The following ITGAM variants were observed in gnomAD, a reference collection of about 807,000 sequenced individuals.
The protein encoded by ITGAM is integrin alpha-M.
In ITGAM, 79 loss-of-function variants were observed where a neutral mutation model predicts 137.5. The ratio of observed to expected loss-of-function variants is 0.57; its 90% CI spans 0.48 to 0.69. The LOEUF (loss-of-function observed/expected upper bound fraction) is 0.69, where lower values mean the gene tolerates loss of function less well. Among genes scored for constraint, ITGAM ranks in the 30% least tolerant of loss-of-function variants. ITGAM has a pLI of 0.00. For missense variants in ITGAM, 1,343 were observed against 1,483.5 expected, an observed-to-expected ratio of 0.91 and a Z score of 1.56; for synonymous variants, 583 against 592.3, an observed-to-expected ratio of 0.98 and a Z score of 0.23.
chr16:31,321,756 G>A (rs1403270881), intron 16 of ITGAM, 129 bp downstream of exon 16: 4 of 943,300 alleles, frequency 4.2e-6, no homozygotes, highest in Non-Finnish European at 6.2e-6. Flanking sequence ...CCTTCTCCAA[G>A]CCTTACCTGA....
At chr16:31,268,130 C>T (rs1262310898) in intron 5 of ITGAM, among the ~76,000 whole-genome samples, 2 of 152,112 alleles carry the variant, frequency 1.3e-5, no homozygotes, top group Non-Finnish European at 2.9e-5. Context: ...CCCTCACCAC[C>T]CAAGCTTCCT....
chr16:31,263,118 T>A (rs2079724040), intron 2 of ITGAM, among the ~76,000 whole-genome samples: 1 of 152,086 alleles, frequency 6.6e-6, no homozygotes, highest in Non-Finnish European at 1.5e-5. Flanking sequence ...ATTTTTGTAT[T>A]TTTGTAGAGA....
rs73534463 is a variant in ITGAM, at chr16:31,323,702, G to A, written c.2003-697G>A. Reference sequence around the variant, plus strand: ...TATTTCATTTCCTTTTTACCATTGGGAGGGTATCATTATTATCCTCACTTT... The same window carrying A: ...TATTTCATTTCCTTTTTACCATTGGAAGGGTATCATTATTATCCTCACTTT... On this transcript the variant is annotated intron_variant, in intron 16 of 29. Transcript: ENST00000544665. Among the ~76,000 whole-genome samples the A allele has an allele frequency of 9.3e-3, 1,418 of 152,200 alleles. 26 individuals carry two copies. Among genetic ancestry groups the A allele is most frequent in the African/African-American group, 0.032 (1,326 of 41,526 alleles).
At chr16:31,329,724 G>C in intron 24 of ITGAM, 74 bp from the exon 25 acceptor site, 1 of 1,297,302 alleles carries the variant, frequency 7.7e-7, no homozygotes, top group Non-Finnish European at 1.1e-6. Flanking sequence ...CCTGCCCCGT[G>C]GGGAGGGGAG....
intron 12 of ITGAM, among the ~76,000 whole-genome samples, chr16:31,282,029 TTGAG>T (rs1368151383): frequency 6.6e-6 from 1 of 152,190 alleles, no homozygotes; most frequent in African/African-American, 2.4e-5. Flanking sequence ...TTGAGCGGTT[TTGAG>T]TGAGTTTCTT....
Position 31,331,885 on chromosome 16 carries a change from G to GTGTC in ITGAM, c.*181_*182insCTGT. 2 of 556,702 alleles carry GTGTC rather than the reference G, an allele frequency of 3.6e-6. No homozygotes were observed. The highest frequency in any genetic ancestry group is 6.3e-6 in the Non-Finnish European group (2 of 315,636). The allele number at this position is 556,702 out of a possible 1,614,324, so 34.5% of individuals were successfully genotyped here. ...CGTGTGTGCAAGTGTCTGTGTGCAA[G>GTGTC]TGTGTGCACATGTGTGCGTGTGCGT... is the stretch of plus-strand genomic sequence containing the variant. On this transcript the variant is annotated 3_prime_UTR_variant, in exon 30 of 30. Transcript: ENST00000544665.
At chr16:31,288,730 A>G (rs906305071) in intron 12 of ITGAM, among the ~76,000 whole-genome samples, 1 of 152,248 alleles carries the variant, frequency 6.6e-6, no homozygotes, top group Non-Finnish European at 1.5e-5. Flanking sequence ...ACCAAAAGCA[A>G]TGGCAACAAA....
chr16:31,313,711 T>A (rs1439054313), intron 14 of ITGAM, among the ~76,000 whole-genome samples: 1 of 152,148 alleles, frequency 6.6e-6, no homozygotes, highest in African/African-American at 2.4e-5. Context: ...GTCTTTATAG[T>A]AGAATGATTT....
At chr16:31,312,191 C>T (rs947933958) in intron 14 of ITGAM, among the ~76,000 whole-genome samples, 3 of 149,092 alleles carry the variant, frequency 2.0e-5, no homozygotes, top group Non-Finnish European at 1.5e-5. Context: ...TGCTAAATGA[C>T]GAGTTAATGG....
intron 14 of ITGAM, among the ~76,000 whole-genome samples, chr16:31,303,518 T>C (rs2080236270): frequency 6.6e-6 from 1 of 152,178 alleles, no homozygotes. Flanking sequence ...ATGAATTCTA[T>C]AGTGGTGAAT....
chr16:31,325,271 G>T lies in ITGAM; in HGVS notation c.2372G>T (p.Cys791Phe). Residue 791 changes from cysteine to phenylalanine, a missense_variant, in exon 20 of 30, where the codon TGC becomes TTC. Physicochemically the swap from Cys to Phe is radical, Grantham distance 205 (BLOSUM62 -2). Coordinates refer to ENST00000544665, the MANE Select transcript of ITGAM (RefSeq NM_000632.4). Reference sequence around the variant, plus strand: ...TCTTCTTCTTCCCACAGCCTGGACTGCCTCGTGGTGGGTGGGCCCCGGGAG... The same window carrying T: ...TCTTCTTCTTCCCACAGCCTGGACTTCCTCGTGGTGGGTGGGCCCCGGGAG... ...SITFSFMSLD[C>F]LVVGGPREFN... 1 of 1,611,930 alleles carries T rather than the reference G, an allele frequency of 6.2e-7. No homozygotes were observed. Among genetic ancestry groups the T allele is most frequent in the Non-Finnish European group, 8.5e-7 (1 of 1,178,732 alleles).
At chr16:31,297,681 G>T in intron 13 of ITGAM, 27 bp downstream of exon 13, 1 of 1,606,594 alleles carries the variant, frequency 6.2e-7, no homozygotes, top group South Asian at 1.1e-5. Context: ...CCTGGGCTGG[G>T]TGGGGCCCGG....
At chr16:31,293,526 G>A (rs569061752) in intron 12 of ITGAM, among the ~76,000 whole-genome samples, 1 of 152,026 alleles carries the variant, frequency 6.6e-6, no homozygotes, top group African/African-American at 2.4e-5. Flanking sequence ...GCTTATTTTT[G>A]TCTTAGATCA....
chr16:31,299,678 T>G (rs2080175032), intron 14 of ITGAM, among the ~76,000 whole-genome samples: 1 of 152,184 alleles, frequency 6.6e-6, no homozygotes, highest in Admixed American at 6.5e-5. Flanking sequence ...ACTGGCTTAT[T>G]TCACTTAGAA....
chr16:31,326,667 T>G (rs1040842753), intron 21 of ITGAM, among the ~76,000 whole-genome samples, 189 bp from the exon 22 acceptor site: 1 of 152,168 alleles, frequency 6.6e-6, no homozygotes, highest in Non-Finnish European at 1.5e-5. Context: ...TCCACCTGCC[T>G]CAGCCTCCCA....
intron 23 of ITGAM, 186 bp from the exon 24 acceptor site, chr16:31,329,042 G>A: frequency 3.1e-6 from 2 of 652,386 alleles, no homozygotes; most frequent in Non-Finnish European, 5.5e-6. Context: ...GGCCCAAATG[G>A]GCACGCACTG....
At chr16:31,281,200 C>T (rs979681095) in intron 12 of ITGAM, among the ~76,000 whole-genome samples, 2 of 152,042 alleles carry the variant, frequency 1.3e-5, no homozygotes, top group East Asian at 1.9e-4. Context: ...TGTGTCTCTT[C>T]CAGGCTTTGG....
Position 31,329,256 on chromosome 16 carries a change from T to C in ITGAM, c.2821T>C (p.Phe941Leu), listed in dbSNP as rs747544873. 2 of 1,613,228 alleles carry C rather than the reference T, an allele frequency of 1.2e-6. No homozygotes were observed. The highest frequency in any genetic ancestry group is 2.2e-5 in the East Asian group (1 of 44,880). Residue 941 changes from phenylalanine to leucine, a missense_variant, in exon 24 of 30, where the codon TTC (phenylalanine) becomes CTC (leucine). Physicochemically the swap from Phe to Leu is conservative, Grantham distance 22 (BLOSUM62 0). Transcript: ENST00000544665. ...SHGVSTKYLN[F>L]TASENTSRVM... ...TGGGGTCTCCACTAAATATCTCAACTTCACGGCCTCAGAGAATACCAGTCG... is the reference window on the plus strand; with the variant it reads ...TGGGGTCTCCACTAAATATCTCAACCTCACGGCCTCAGAGAATACCAGTCG...
At chr16:31,296,522 A>G (rs138588627) in intron 12 of ITGAM, among the ~76,000 whole-genome samples, 1 of 152,308 alleles carries the variant, frequency 6.6e-6, no homozygotes, top group Non-Finnish European at 1.5e-5. Flanking sequence ...AAAACAATCA[A>G]ATTCTGTTGA....
Sources: allele counts gnomAD v4.1 joint callset (sites outside exome capture counted in the v4.1 genomes callset), GRCh38; gene constraint gnomAD v4.1.1; transcripts MANE v1.5; gene names NCBI Gene and HGNC (gene_info 2026-07-23, HGNC 2026-07-21).